Variants in TMEM45A observed in about 807,000 individuals in gnomAD.
TMEM45A encodes the protein DNA polymerase-transactivated protein 4.
In TMEM45A, 25 loss-of-function variants were observed where a neutral mutation model predicts 32.0. The observed-to-expected ratio is 0.78, with a 90% confidence interval of 0.57 to 1.09. The LOEUF (loss-of-function observed/expected upper bound fraction) is 1.09. Ranked by LOEUF, TMEM45A falls within the 50% of genes least tolerant of loss-of-function variation. TMEM45A has a pLI of 0.00. For missense variants in TMEM45A, 302 were observed against 325.0 expected, an observed-to-expected ratio of 0.93 and a Z score of 0.54; for synonymous variants, 122 against 114.8, an observed-to-expected ratio of 1.06 and a Z score of -0.40.
chr3:100,523,876 G>C lies in TMEM45A; in HGVS notation c.-4+30948G>C, dbSNP rs995469791. 1.3e-5 allele frequency among the ~76,000 whole-genome samples: 2 copies of C among 151,570 alleles called. 1 individual carries two copies. Among genetic ancestry groups the C allele is most frequent in the Non-Finnish European group, 2.9e-5 (2 of 67,940 alleles). ...TTCCTTTTTGAACAGAGTTATCTGG[G>C]ATGTGTGCTAATTGAATGAAGGAAG... On this transcript the variant is annotated intron_variant, in intron 1 of 5. Transcript: ENST00000323523.
intron 1 of TMEM45A, among the ~76,000 whole-genome samples, chr3:100,503,660 A>T (rs1436169492): frequency 6.6e-6 from 1 of 152,212 alleles, no homozygotes. Context: ...CTGTGACCAC[A>T]ATCTTGCTAT....
chr3:100,534,150 AT>A (rs1214477076), intron 1 of TMEM45A, among the ~76,000 whole-genome samples: 1 of 152,106 alleles, frequency 6.6e-6, no homozygotes, highest in Non-Finnish European at 1.5e-5. Flanking sequence ...CGATTTAAAA[AT>A]TTTTTTGTTT....
intron 1 of TMEM45A, among the ~76,000 whole-genome samples, chr3:100,515,585 A>C (rs1249918968): frequency 6.6e-6 from 1 of 151,624 alleles, no homozygotes; most frequent in Non-Finnish European, 1.5e-5. Context: ...ATATGTAACT[A>C]ACCTGCACAT....
At position 100,556,981 on chromosome 3, in the gene TMEM45A, TAGTG is replaced by T. The variant is rs756561591; in HGVS notation, c.403+13_403+16del. On this transcript the variant is annotated intron_variant, in intron 3 of 5. Transcript: ENST00000323523. ...TGCCTTATTTGTGGAGGGTAAGTGT[TAGTG>T]AGTATTTTCATGTACCTTTCTCTAT... 13 of 1,613,410 alleles carry T rather than the reference TAGTG, an allele frequency of 8.1e-6. No homozygotes were observed. The highest frequency in any genetic ancestry group is 9.3e-6 in the Non-Finnish European group (11 of 1,179,490).
chr3:100,519,405 G>A (rs1216405009), intron 1 of TMEM45A: 1 of 638,614 alleles, frequency 1.6e-6, no homozygotes, highest in African/African-American at 1.8e-5. Context: ...GTGTGTGTGT[G>A]TGTGTAAAAC....
At chr3:100,549,275 A>G (rs532752101) in intron 1 of TMEM45A, among the ~76,000 whole-genome samples, 1 of 151,788 alleles carries the variant, frequency 6.6e-6, no homozygotes, top group South Asian at 2.1e-4. Context: ...AAAAAAACAA[A>G]CAAAAAAACC....
intron 1 of TMEM45A, among the ~76,000 whole-genome samples, chr3:100,518,023 A>G (rs1225265591): frequency 6.6e-6 from 1 of 152,122 alleles, no homozygotes; most frequent in Non-Finnish European, 1.5e-5. Flanking sequence ...GTGGGTTTTG[A>G]TTGGGCGTGG....
intron 1 of TMEM45A, among the ~76,000 whole-genome samples, chr3:100,540,691 C>G (rs1705855333): frequency 6.6e-6 from 1 of 152,122 alleles, no homozygotes; most frequent in South Asian, 2.1e-4. Flanking sequence ...GAATTGTGCT[C>G]CTAGTATTTA....
At chr3:100,533,420 T>C (rs1359881855) in intron 1 of TMEM45A, among the ~76,000 whole-genome samples, 2 of 152,044 alleles carry the variant, frequency 1.3e-5, no homozygotes, top group Admixed American at 1.3e-4. Flanking sequence ...AGATGGCTCT[T>C]AGCATTCCTC....
chr3:100,512,149 AC>A (rs778039004), intron 1 of TMEM45A, among the ~76,000 whole-genome samples: 25 of 152,234 alleles, frequency 1.6e-4, no homozygotes, highest in Non-Finnish European at 3.5e-4. Flanking sequence ...AGAACTCTCC[AC>A]CCCAAATCAA....
chr3:100,556,172 G>T (rs1706218066), intron 2 of TMEM45A, among the ~76,000 whole-genome samples: 1 of 152,080 alleles, frequency 6.6e-6, no homozygotes, highest in African/African-American at 2.4e-5. Flanking sequence ...GTAGAGATGG[G>T]GTTCCACCAT....
intron 1 of TMEM45A, among the ~76,000 whole-genome samples, chr3:100,524,435 CCTCTTTTCCTT>C (rs1275767644): frequency 2.6e-5 from 4 of 151,916 alleles, no homozygotes; most frequent in Non-Finnish European, 4.4e-5. Flanking sequence ...TTTTTCTCTT[CCTCTTTTCCTT>C]CTCTTTTCCC....
chr3:100,511,155 CCA>C (rs1559635693), intron 1 of TMEM45A, among the ~76,000 whole-genome samples: 1 of 151,612 alleles, frequency 6.6e-6, no homozygotes, highest in East Asian at 1.9e-4. Flanking sequence ...AAGAGCAACT[CCA>C]AGACACATAA....
chr3:100,571,390 T>G (rs926494289), intron 5 of TMEM45A: 3 of 152,130 alleles, frequency 2.0e-5, no homozygotes, highest in African/African-American at 7.2e-5. Flanking sequence ...AAGTATTGTT[T>G]ACTGCACATA....
chr3:100,523,659 C>G (rs1188852970), intron 1 of TMEM45A, among the ~76,000 whole-genome samples: 1 of 151,068 alleles, frequency 6.6e-6, no homozygotes, highest in Non-Finnish European at 1.5e-5. Flanking sequence ...CCTCCTCCTT[C>G]TCTTCTTCCT....
intron 1 of TMEM45A, among the ~76,000 whole-genome samples, chr3:100,497,742 C>T (rs1021902715): frequency 3.3e-5 from 5 of 152,162 alleles, no homozygotes; most frequent in African/African-American, 7.2e-5. Flanking sequence ...GAATATCCTT[C>T]CTTTTTAAGG....
intron 1 of TMEM45A, among the ~76,000 whole-genome samples, chr3:100,554,399 C>G (rs1023351618): frequency 1.3e-5 from 2 of 152,188 alleles, no homozygotes; most frequent in African/African-American, 4.8e-5. Context: ...GCTGGTTGAT[C>G]ACCTTCTGGG....
At chr3:100,496,420 T>A (rs961118415) in intron 1 of TMEM45A, among the ~76,000 whole-genome samples, 1 of 152,210 alleles carries the variant, frequency 6.6e-6, no homozygotes, top group Non-Finnish European at 1.5e-5. Flanking sequence ...TTGCCCAAGA[T>A]TACACAGTGA....
intron 2 of TMEM45A, 116 bp from the exon 3 acceptor site, chr3:100,556,644 A>T (rs1488516687): frequency 5.1e-6 from 5 of 985,818 alleles, no homozygotes; most frequent in Non-Finnish European, 7.5e-6. Context: ...CTCAGAGAGA[A>T]GAATTAATGT....
Sources: allele counts gnomAD v4.1 joint callset (sites outside exome capture counted in the v4.1 genomes callset), GRCh38; gene constraint gnomAD v4.1.1; transcripts MANE v1.5; gene names NCBI Gene and HGNC (gene_info 2026-07-23, HGNC 2026-07-21).